EPHA6: variants seen among roughly 807,000 people sequenced by gnomAD.
The protein encoded by EPHA6 is ephrin type-A receptor 6.
EPHA6 carries 50 observed loss-of-function variants against 112.0 expected under a neutral mutation model. The observed-to-expected ratio is 0.45, with a 90% confidence interval of 0.36 to 0.56. The LOEUF is 0.56. EPHA6 is among the 20% of genes least tolerant of loss of function. The pLI is 0.00. For missense variants in EPHA6, 1,280 were observed against 1,417.4 expected (o/e 0.90, Z 1.56); for synonymous variants, 529 against 490.7 (o/e 1.08, Z -1.03).
chr3:96,814,604 C>T lies in EPHA6; in HGVS notation c.-20C>T, dbSNP rs764847472. 7.4e-5 allele frequency: 102 copies of T among 1,383,526 alleles called. 1 individual carries two copies. The highest frequency in any genetic ancestry group is 9.6e-5 in the Non-Finnish European group (102 of 1,066,294). The allele number at this position is 1,383,526 out of a possible 1,614,324, so 85.7% of individuals were successfully genotyped here. On this transcript the variant is annotated 5_prime_UTR_variant, in exon 1 of 18. Coordinates refer to ENST00000389672, the MANE Select transcript of EPHA6 (RefSeq NM_001080448.3). ...CCGGCCCAAGTGAATAGTCCTCGCGCAAGCGGGACACTGTGGTGGATGCAA... is the reference window on the plus strand; with the variant it reads ...CCGGCCCAAGTGAATAGTCCTCGCGTAAGCGGGACACTGTGGTGGATGCAA...
rs1003495834 is a variant in EPHA6 at position 97,481,556 on chromosome 3, C to T, written c.2074+2192C>T. On this transcript the variant is annotated intron_variant, in intron 9 of 17. Transcript: ENST00000389672. ...CCGGGGGTCCCTAGAGCCGCCGGGG[C>T]GCGGCGCGTCCGGCGCTGGGGGACT... The T allele has an allele frequency of 3.0e-5, 21 of 703,046 alleles. No individual in the cohort carries two copies. The African/African-American group carries it at 3.4e-4, about 11-fold the overall frequency. 43.6% of individuals were successfully genotyped at this position (703,046 alleles called of 1,614,324 possible).
At chr3:97,735,356 G>C (rs2035208320) in intron 15 of EPHA6, among the ~76,000 whole-genome samples, 1 of 151,998 alleles carries the variant, frequency 6.6e-6, no homozygotes, top group Non-Finnish European at 1.5e-5. Context: ...AGGAGGTATA[G>C]GAGTATGACT....
At chr3:97,025,157 G>A (rs1466647460) in intron 3 of EPHA6, among the ~76,000 whole-genome samples, 1 of 152,042 alleles carries the variant, frequency 6.6e-6, no homozygotes, top group African/African-American at 2.4e-5. Context: ...ATTTTTATGA[G>A]GATTAAATGA....
At chr3:97,175,152 C>A (rs1175491750) in intron 3 of EPHA6, among the ~76,000 whole-genome samples, 2 of 151,738 alleles carry the variant, frequency 1.3e-5, no homozygotes, top group African/African-American at 4.8e-5. Context: ...TGTTGAAGGA[C>A]TGTCTTTTCC....
intron 1 of EPHA6, among the ~76,000 whole-genome samples, chr3:96,861,991 A>G (rs2036034570): frequency 6.6e-6 from 1 of 151,922 alleles, no homozygotes. Context: ...AGTTACCCAT[A>G]TTATATATAT....
intron 3 of EPHA6, among the ~76,000 whole-genome samples, chr3:96,997,708 G>C (rs1272685699): frequency 6.6e-6 from 1 of 151,940 alleles, no homozygotes; most frequent in Non-Finnish European, 1.5e-5. Flanking sequence ...ATCTGTTATG[G>C]TGACCTATGA....
chr3:97,052,246 C>G (rs1425394720), intron 3 of EPHA6, among the ~76,000 whole-genome samples: 1 of 152,076 alleles, frequency 6.6e-6, no homozygotes. Flanking sequence ...TGATTGAACT[C>G]TGTCATATGT....
intron 1 of EPHA6, among the ~76,000 whole-genome samples, chr3:96,828,834 A>G (rs997986265): frequency 6.6e-6 from 1 of 152,134 alleles, no homozygotes; most frequent in Admixed American, 6.6e-5. Flanking sequence ...TCCAGCCAAG[A>G]GCTGACTACA....
At position 96,987,637 on chromosome 3, in the gene EPHA6, A is replaced by G. The variant is rs2043070484; in HGVS notation, c.758A>G (p.Gln253Arg). 1 of 1,610,732 alleles carries G rather than the reference A, an allele frequency of 6.2e-7. No individual in the cohort carries two copies. The highest frequency in any genetic ancestry group is 8.5e-7 in the Non-Finnish European group (1 of 1,177,274). ...DTIAADESFT[Q>R]MDLGDRILKL... The stretch of plus-strand genomic sequence containing the variant: ...ATTGCTGCTGATGAGAGTTTTACCC[A>G]GATGGATTTGGGTGATCGCATCCTC... The change falls in exon 3 of 18, where the codon CAG (glutamine) becomes CGG (arginine). Residue 253 changes from glutamine to arginine, a missense_variant. Transcript: ENST00000389672.
intron 14 of EPHA6, among the ~76,000 whole-genome samples, chr3:97,703,146 C>CTCTA (rs2033490034): frequency 6.6e-6 from 1 of 152,122 alleles, no homozygotes; most frequent in South Asian, 2.1e-4. Context: ...GTGAAACTTC[C>CTCTA]TCTAGATTCC....
At chr3:97,112,845 C>T (rs1262820208) in intron 3 of EPHA6, among the ~76,000 whole-genome samples, 1 of 152,114 alleles carries the variant, frequency 6.6e-6, no homozygotes, top group Non-Finnish European at 1.5e-5. Context: ...TCACCTAAAT[C>T]ATTGTTATTA....
At chr3:97,439,735 G>A (rs748904052) in intron 6 of EPHA6, 24 of 495,864 alleles carry the variant, frequency 4.8e-5, no homozygotes, top group Non-Finnish European at 6.3e-5. Flanking sequence ...CTTAGGAAAA[G>A]AATTATATAG....
intron 3 of EPHA6, among the ~76,000 whole-genome samples, chr3:97,026,240 C>T (rs2044633602): frequency 6.6e-6 from 1 of 151,432 alleles, no homozygotes; most frequent in African/African-American, 2.4e-5. Flanking sequence ...CTTCGGATTG[C>T]CATGGCCAAT....
chr3:97,249,686 A>C (rs1449185488), intron 5 of EPHA6, among the ~76,000 whole-genome samples: 1 of 152,168 alleles, frequency 6.6e-6, no homozygotes, highest in Non-Finnish European at 1.5e-5. Context: ...ACCAATATGT[A>C]AGCTTCTTGA....
chr3:96,971,179 A>G (rs1357600342), intron 2 of EPHA6, among the ~76,000 whole-genome samples: 1 of 152,094 alleles, frequency 6.6e-6, no homozygotes, highest in African/African-American at 2.4e-5. Flanking sequence ...TCTTCAGAAT[A>G]TGACAGTTTT....
chr3:97,029,943 G>A (rs751673706), intron 3 of EPHA6, among the ~76,000 whole-genome samples: 7 of 151,968 alleles, frequency 4.6e-5, no homozygotes, highest in Admixed American at 1.3e-4. Flanking sequence ...TTGGTACTGC[G>A]TCTCCAGGTT....
chr3:97,288,227 GTTCCCC>G (rs976365379), intron 5 of EPHA6, among the ~76,000 whole-genome samples: 1 of 152,018 alleles, frequency 6.6e-6, no homozygotes, highest in Non-Finnish European at 1.5e-5. Flanking sequence ...TTCAATCCTT[GTTCCCC>G]TTCCTTCCTC....
At chr3:97,673,254 G>C (rs991156138) in intron 14 of EPHA6, among the ~76,000 whole-genome samples, 3 of 152,290 alleles carry the variant, frequency 2.0e-5, no homozygotes, top group Non-Finnish European at 2.9e-5. Context: ...GTGTGAAAGA[G>C]TTTAAAGAAG....
At chr3:96,939,777 C>T (rs141018928) in intron 2 of EPHA6, among the ~76,000 whole-genome samples, 2,304 of 152,180 alleles carry the variant, frequency 0.015, 31 homozygotes, top group African/African-American at 0.038. Context: ...GCTTTGAATG[C>T]GTCCCAGAGA....
Sources: gnomAD v4.1 joint callset for allele counts (sites outside exome capture counted in the v4.1 genomes callset) on GRCh38, gnomAD v4.1.1 for gene constraint, MANE v1.5 for transcripts, NCBI Gene and HGNC (gene_info 2026-07-23, HGNC 2026-07-21) for gene names.